The following FNBP1 variants were observed in gnomAD, a reference collection of about 807,000 sequenced individuals.
FNBP1 encodes formin binding protein 1, also known as formin-binding protein 1.
Under a neutral mutation model 90.6 loss-of-function variants are expected in FNBP1, and 26 were observed. The ratio of observed to expected loss-of-function variants is 0.29; its 90% confidence interval spans 0.21 to 0.40. FNBP1 has a LOEUF of 0.40. Ranked by LOEUF, FNBP1 falls within the 10% of genes least tolerant of loss-of-function variation. FNBP1 has a pLI of 1.00. For synonymous variants in FNBP1, 260 were observed against 265.2 expected (o/e 0.98, Z 0.19); for missense variants, 635 against 768.0 (o/e 0.83, Z 2.05).
Position 129,907,580 on chromosome 9 carries a change from GGTGT to G in FNBP1, c.1295+1306_1295+1309del, listed in dbSNP as rs55973122. 8.6e-3 allele frequency among the ~76,000 whole-genome samples: 1,273 copies of G among 147,178 alleles called. 12 individuals carry two copies. Among genetic ancestry groups the G allele is most frequent in the African/African-American group, 0.025 (989 of 39,746 alleles). On this transcript the variant is annotated intron_variant, in intron 12 of 16. Transcript: ENST00000446176. The stretch of plus-strand genomic sequence containing the variant: ...ATCCTTAGCTCTTGCTAGGAGTGAG[GGTGT>G]GTGTGTGTGTGTGTGTGTGTGTGTG...
chr9:129,925,181 T>A (rs1234785599), intron 8 of FNBP1, 24 bp from the exon 9 acceptor site: 1 of 1,577,512 alleles, frequency 6.3e-7, no homozygotes, highest in South Asian at 1.1e-5. Context: ...CACAAGCATA[T>A]AAATACATTC....
intron 12 of FNBP1, among the ~76,000 whole-genome samples, chr9:129,908,259 A>G (rs1357567514): frequency 3.4e-5 from 5 of 146,380 alleles, no homozygotes; most frequent in Non-Finnish European, 7.5e-5. Context: ...GCTGGAGTGC[A>G]GTGGCATGAT....
chr9:129,963,962 A>G (rs751472773), intron 4 of FNBP1, among the ~76,000 whole-genome samples: 4 of 152,032 alleles, frequency 2.6e-5, no homozygotes, highest in Non-Finnish European at 4.4e-5. Context: ...TTTGGCCATA[A>G]CATACGAAAA....
At chr9:129,901,241 A>G (rs2036879121) in intron 13 of FNBP1, among the ~76,000 whole-genome samples, 1 of 152,030 alleles carries the variant, frequency 6.6e-6, no homozygotes. Context: ...CGCTGTCTCT[A>G]CTAAGAGTAC....
At chr9:129,984,270 T>C (rs1298259507) in intron 2 of FNBP1, among the ~76,000 whole-genome samples, 1 of 149,130 alleles carries the variant, frequency 6.7e-6, no homozygotes, top group African/African-American at 2.5e-5. Flanking sequence ...CAGCAGAAAA[T>C]AAAAAAAATA....
intron 1 of FNBP1, among the ~76,000 whole-genome samples, chr9:130,016,683 C>T (rs868342462): frequency 6.6e-6 from 1 of 152,064 alleles, no homozygotes; most frequent in Non-Finnish European, 1.5e-5. Flanking sequence ...GAGGAGGTTG[C>T]GGTGAGCCAA....
intron 16 of FNBP1, among the ~76,000 whole-genome samples, chr9:129,891,904 A>C (rs1247589819): frequency 6.6e-6 from 1 of 152,262 alleles, no homozygotes; most frequent in Non-Finnish European, 1.5e-5. Context: ...TATAACATTT[A>C]TTAGAGAAGC....
chr9:129,966,506 A>G lies in FNBP1; in HGVS notation c.346-7953T>C, dbSNP rs1253944287. On this transcript the variant is annotated intron_variant, in intron 4 of 16. Transcript: ENST00000446176. This position sits in a 1 kb window ranked among gnomAD's most constrained non-coding sequence, Gnocchi z 4.3. Reference sequence around the variant, plus strand: ...CACTTTGGGAGGTCGAGATGGGCGGATCATTTGAGGTCAGGAGTTCGAGAC... The same window carrying G: ...CACTTTGGGAGGTCGAGATGGGCGGGTCATTTGAGGTCAGGAGTTCGAGAC... Among the ~76,000 whole-genome samples, 1 of 152,104 alleles carries G rather than the reference A, an allele frequency of 6.6e-6. No individual in the cohort carries two copies. The highest frequency in any genetic ancestry group is 6.6e-5 in the Admixed American group (1 of 15,260).
chr9:129,954,398 CA>C (rs1261598010), intron 6 of FNBP1, among the ~76,000 whole-genome samples: 1 of 151,944 alleles, frequency 6.6e-6, no homozygotes, highest in Non-Finnish European at 1.5e-5. Context: ...CAAAGTAGAA[CA>C]GACAAGAAAG....
intron 13 of FNBP1, 56 bp downstream of exon 13, chr9:129,902,813 C>A (rs553505150): frequency 2.6e-4 from 416 of 1,591,224 alleles, no homozygotes; most frequent in Non-Finnish European, 3.5e-4. Context: ...CATTCTACAC[C>A]GAGGAACACC....
At chr9:129,969,974 C>T (rs1164080539) in intron 4 of FNBP1, among the ~76,000 whole-genome samples, 2 of 143,824 alleles carry the variant, frequency 1.4e-5, no homozygotes, top group Admixed American at 1.4e-4. Flanking sequence ...TTGCAAGTTC[C>T]GCTTCCCAGG....
rs551362298 is a variant in FNBP1, at chr9:130,042,469, C to G, written c.24+483G>C. On this transcript the variant is annotated intron_variant, in intron 1 of 16. Coordinates refer to ENST00000446176, the MANE Select transcript of FNBP1 (RefSeq NM_015033.3). The surrounding 1 kb of genome is among the most constrained non-coding windows in gnomAD (Gnocchi z 5.5). ...AAAACCCGACCCCCGGCGCTCGCCC[C>G]GGCCGCCCCGCTCCCGGGGAAGTGC... Among the ~76,000 whole-genome samples the G allele has an allele frequency of 6.6e-6, 1 of 152,036 alleles. No individual in the cohort carries two copies. The highest frequency in any genetic ancestry group is 1.5e-5 in the Non-Finnish European group (1 of 67,984).
chr9:130,048,826 G>C, the FNBP1 span, among the ~76,000 whole-genome samples: 1 of 144,566 alleles, frequency 6.9e-6, no homozygotes, highest in African/African-American at 2.6e-5. Flanking sequence ...TGTCGCCCAG[G>C]CTGGAGTGCA....
chr9:130,011,046 A>G (rs2056490077), intron 1 of FNBP1, among the ~76,000 whole-genome samples: 1 of 150,396 alleles, frequency 6.6e-6, no homozygotes, highest in Admixed American at 6.7e-5. Context: ...GATGGAAGGA[A>G]GGTGGAAAAG....
chr9:129,961,777 G>C (rs979171098), intron 4 of FNBP1, among the ~76,000 whole-genome samples: 2 of 152,082 alleles, frequency 1.3e-5, no homozygotes, highest in Admixed American at 1.3e-4. Context: ...GTAGAGACAG[G>C]GTTTCACCAT....
intron 6 of FNBP1, among the ~76,000 whole-genome samples, chr9:129,946,742 G>A (rs1170565744): frequency 6.6e-6 from 1 of 152,338 alleles, no homozygotes; most frequent in Non-Finnish European, 1.5e-5. Context: ...TGCAGATTCT[G>A]TTAGACAATA....
At chr9:130,029,552 A>G (rs1046041396) in intron 1 of FNBP1, among the ~76,000 whole-genome samples, 1 of 152,242 alleles carries the variant, frequency 6.6e-6, no homozygotes, top group African/African-American at 2.4e-5. Flanking sequence ...GTAAGGAAGT[A>G]GAATATTGCT....
At chr9:130,013,003 A>G (rs1207366557) in intron 1 of FNBP1, among the ~76,000 whole-genome samples, 1 of 152,196 alleles carries the variant, frequency 6.6e-6, no homozygotes, top group African/African-American at 2.4e-5. Flanking sequence ...AATAAAACTA[A>G]AAAACTAAAA....
In FNBP1 at chr9:129,929,666, T is replaced by G; in HGVS notation, c.543A>C (p.Gln181His). ...KARQQAQIRH[Q>H]MAEDSKADYS... ...AATCTGCTTTGCTGTCCTCTGCCAT[T>G]TGGTGACGTATTTGAGCTTGTTGTC... The change falls in exon 7 of 17, where the codon CAA (glutamine) becomes CAC (histidine). Residue 181 changes from glutamine to histidine, a missense_variant. Transcript: ENST00000446176. 3.1e-6 allele frequency: 5 copies of G among 1,614,018 alleles called. No homozygotes were observed. Among genetic ancestry groups the G allele is most frequent in the Non-Finnish European group, 2.5e-6 (3 of 1,179,882 alleles).
Sources: gnomAD v4.1 joint callset for allele counts (sites outside exome capture counted in the v4.1 genomes callset) on GRCh38, gnomAD v4.1.1 for gene constraint, Gnocchi (gnomAD v3.1) non-coding constraint, MANE v1.5 for transcripts, NCBI Gene and HGNC (gene_info 2026-07-23, HGNC 2026-07-21) for gene names.